CEP295: variants seen among roughly 807,000 people sequenced by gnomAD.
The protein encoded by CEP295 is centrosomal protein of 295 kDa.
A neutral mutation model predicts 291.6 loss-of-function variants in CEP295; 190 were observed. The ratio of observed to expected loss-of-function variants is 0.65; its 90% confidence interval spans 0.58 to 0.73. The LOEUF is 0.73. Ranked by LOEUF, CEP295 falls within the 30% of genes least tolerant of loss-of-function variation. CEP295 has a pLI of 0.00. For missense variants in CEP295, 2,863 were observed against 2,949.4 expected (o/e 0.97, Z 0.68); for synonymous variants, 993 against 1,038.8 (o/e 0.96, Z 0.85).
At chr11:93,666,334 CTG>C (rs1950206072) in intron 1 of CEP295, among the ~76,000 whole-genome samples, 2 of 152,148 alleles carry the variant, frequency 1.3e-5, no homozygotes. Context: ...TGGCTCATGC[CTG>C]TAATCCCAGC....
intron 9 of CEP295, among the ~76,000 whole-genome samples, chr11:93,687,358 C>T (rs1951294502): frequency 6.6e-6 from 1 of 152,154 alleles, no homozygotes; most frequent in Admixed American, 6.5e-5. Flanking sequence ...GCAAAATAAA[C>T]ATCTTCCTGA....
Position 93,730,252 on chromosome 11 carries a change from GC to G in CEP295, c.7791del (p.Asn2599IlefsTer10), listed in dbSNP as rs1224153211. 1.3e-6 allele frequency: 2 copies of G among 1,550,428 alleles called. No homozygotes were observed. The highest frequency in any genetic ancestry group is 2.4e-5 in the South Asian group (2 of 84,032). On this transcript the variant is annotated frameshift_variant, in exon 30 of 30. Coordinates refer to ENST00000325212, the MANE Select transcript of CEP295 (RefSeq NM_033395.2). LOFTEE classifies it high-confidence loss of function. ...ACAGAAAACACTAGAGAAACTTCGAGCCAAAAATACATGCTGACTTTCTAGA... is the reference window on the plus strand; with the variant it reads ...ACAGAAAACACTAGAGAAACTTCGAGCAAAAATACATGCTGACTTTCTAGA... ...FHKKTLEKLR[A>X]KNTC
chr11:93,729,239 A>C (rs1937955334), intron 25 of CEP295, 195 bp from the exon 26 acceptor site: 2 of 603,042 alleles, frequency 3.3e-6, no homozygotes, highest in Non-Finnish European at 5.9e-6. Context: ...GTTCAAGACC[A>C]GCCTGGGCAA....
intron 19 of CEP295, 129 bp from the exon 20 acceptor site, chr11:93,721,825 A>C (rs1591150961): frequency 2.7e-6 from 2 of 741,008 alleles, no homozygotes; most frequent in East Asian, 4.9e-5. Flanking sequence ...TTTACTACTG[A>C]TCTTTGTAAC....
intron 7 of CEP295, among the ~76,000 whole-genome samples, chr11:93,679,806 T>C (rs768235415): frequency 6.6e-6 from 1 of 152,230 alleles, no homozygotes; most frequent in Non-Finnish European, 1.5e-5. Flanking sequence ...TATTTTAATA[T>C]GTCCAAAAAC....
chr11:93,718,257 A>G (rs1229966152), intron 18 of CEP295, among the ~76,000 whole-genome samples: 1 of 152,142 alleles, frequency 6.6e-6, no homozygotes, highest in Non-Finnish European at 1.5e-5. Flanking sequence ...CTACTATTCC[A>G]TTGTTTCTGC....
At position 93,699,661 on chromosome 11, in the gene CEP295, A is replaced by G; in HGVS notation, c.4749A>G (p.Pro1583=). The part of the protein sequence containing the change: ...DTLPSSHREI[P]RLQDRLLSLS... ...TTCCCTCAAGTCATCGTGAGATTCC[A>G]AGATTACAGGATAGACTTTTGAGTT... is the stretch of plus-strand genomic sequence containing the variant. The change falls in exon 15 of 30, where the codon CCA becomes CCG. Residue 1583 remains proline (P), a synonymous_variant. Transcript: ENST00000325212. 6.4e-7 allele frequency: 1 copy of G among 1,551,566 alleles called. No individual in the cohort carries two copies. Among genetic ancestry groups the G allele is most frequent in the East Asian group, 2.4e-5 (1 of 40,918 alleles).
chr11:93,686,721 G>T (rs1432972133), intron 9 of CEP295, among the ~76,000 whole-genome samples: 1 of 152,130 alleles, frequency 6.6e-6, no homozygotes, highest in African/African-American at 2.4e-5. Context: ...CTGTTTTTAG[G>T]GGTGTATTGA....
At chr11:93,711,416 T>G (rs1952887455) in intron 18 of CEP295, among the ~76,000 whole-genome samples, 1 of 152,242 alleles carries the variant, frequency 6.6e-6, no homozygotes, top group Non-Finnish European at 1.5e-5. Context: ...TTTCCAAAAT[T>G]TATCTTGTTA....
intron 9 of CEP295, among the ~76,000 whole-genome samples, chr11:93,684,592 C>G (rs563076951): frequency 6.6e-6 from 1 of 152,158 alleles, no homozygotes; most frequent in Non-Finnish European, 1.5e-5. Context: ...TACAGAGGAT[C>G]AAGGTGTCAA....
Position 93,698,944 on chromosome 11 carries a change from C to T in CEP295, c.4032C>T (p.Ile1344=). The T allele has an allele frequency of 6.4e-7, 1 of 1,551,398 alleles. No individual in the cohort carries two copies. Among genetic ancestry groups the T allele is most frequent in the Non-Finnish European group, 8.7e-7 (1 of 1,146,972 alleles). The change falls in exon 15 of 30, where the codon ATC becomes ATT. Residue 1344 remains isoleucine (I), a synonymous_variant. Coordinates refer to ENST00000325212, the MANE Select transcript of CEP295 (RefSeq NM_033395.2). Reference sequence around the variant, plus strand: ...GGCTTTTGAGGATATCGCAACTTATCCAGCCTCAACAAGATAATTTGAAGG... The same window carrying T: ...GGCTTTTGAGGATATCGCAACTTATTCAGCCTCAACAAGATAATTTGAAGG... ...QDRLLRISQL[I]QPQQDNLKAL... is the part of the protein sequence containing the mutation.
At chr11:93,676,985 A>C (rs1268729065) in intron 6 of CEP295, among the ~76,000 whole-genome samples, 1 of 152,106 alleles carries the variant, frequency 6.6e-6, no homozygotes, top group Non-Finnish European at 1.5e-5. Context: ...AGCTTTGTGT[A>C]CTGAATGAAG....
chr11:93,715,447 G>A (rs1035404885), intron 18 of CEP295, among the ~76,000 whole-genome samples: 13 of 152,072 alleles, frequency 8.5e-5, no homozygotes, highest in Non-Finnish European at 1.5e-4. Context: ...GCCTGGAATC[G>A]GGGACTCCAA....
chr11:93,672,254 T>C (rs779673343), intron 5 of CEP295, among the ~76,000 whole-genome samples: 2 of 152,216 alleles, frequency 1.3e-5, no homozygotes, highest in Non-Finnish European at 2.9e-5. Flanking sequence ...TAACTACTTA[T>C]ATATTAAAGT....
intron 18 of CEP295, among the ~76,000 whole-genome samples, chr11:93,708,738 C>T (rs1952688114): frequency 6.6e-6 from 1 of 152,182 alleles, no homozygotes; most frequent in Admixed American, 6.5e-5. Context: ...AACTGCTCTT[C>T]ATAGTGGCTG....
Position 93,698,094 on chromosome 11 carries a change from A to G in CEP295, c.3182A>G (p.Gln1061Arg), listed in dbSNP as rs770793729. The change falls in exon 15 of 30, where the codon CAA (glutamine) becomes CGA (arginine). Residue 1061 changes from glutamine to arginine, a missense_variant. Coordinates refer to ENST00000325212, the MANE Select transcript of CEP295 (RefSeq NM_033395.2). ...CTACATGATAGTTTGAAGTTGCTCC[A>G]AGAACAGTTGACTAAACAGAGGGAT... is the stretch of plus-strand genomic sequence containing the variant. The part of the protein sequence containing the change: ...LPLHDSLKLL[Q>R]EQLTKQRDTL... 23 of 1,552,050 alleles carry G rather than the reference A, an allele frequency of 1.5e-5. No individual in the cohort carries two copies.
chr11:93,676,240 TA>T (rs1459714778), intron 6 of CEP295, among the ~76,000 whole-genome samples: 2 of 152,024 alleles, frequency 1.3e-5, no homozygotes, highest in African/African-American at 4.8e-5. Flanking sequence ...CCAAACTGTG[TA>T]ACATTTGATA....
chr11:93,669,848 C>A, intron 5 of CEP295, 78 bp downstream of exon 5: 1 of 864,400 alleles, frequency 1.2e-6, no homozygotes. Flanking sequence ...GAATGACTAT[C>A]ACTTAAACTT....
intron 18 of CEP295, among the ~76,000 whole-genome samples, chr11:93,708,883 C>T (rs1247145786): frequency 6.6e-6 from 1 of 152,146 alleles, no homozygotes; most frequent in East Asian, 1.9e-4. Flanking sequence ...ATTAGCATTT[C>T]TCTAATGATC....
Sources: gnomAD v4.1 joint callset for allele counts (sites outside exome capture counted in the v4.1 genomes callset) on GRCh38, gnomAD v4.1.1 for gene constraint, MANE v1.5 for transcripts, NCBI Gene and HGNC (gene_info 2026-07-23, HGNC 2026-07-21) for gene names.